KPNA3: variants seen among roughly 807,000 people sequenced by gnomAD.
The protein encoded by KPNA3 is karyopherin subunit alpha 3.
Under a neutral mutation model 73.8 loss-of-function variants are expected in KPNA3, and 13 were observed. The ratio of observed to expected loss-of-function variants is 0.18; its 90% CI spans 0.11 to 0.28. The LOEUF is 0.28. Ranked by LOEUF, KPNA3 falls within the 10% of genes least tolerant of loss-of-function variation. The pLI is 1.00. For missense variants in KPNA3, 360 were observed against 618.1 expected (o/e 0.58, Z 4.43); for synonymous variants, 186 against 206.9 (o/e 0.90, Z 0.87).
intron 1 of KPNA3, among the ~76,000 whole-genome samples, chr13:49,765,787 G>A (rs61244556): frequency 1.4e-3 from 210 of 152,250 alleles, no homozygotes; most frequent in African/African-American, 4.8e-3. Context: ...GATGTCAGAC[G>A]TCAATCACCC....
rs1954364026 is a variant in KPNA3, at chr13:49,721,980, G to A, written c.701C>T (p.Pro234Leu). The change falls in exon 9 of 17, where the codon CCG becomes CTG. Residue 234 changes from proline to leucine, a missense_variant. Pro to Leu is a moderately conservative substitution (Grantham distance 98, BLOSUM62 -3). Coordinates refer to ENST00000261667, the MANE Select transcript of KPNA3 (RefSeq NM_002267.4). ...IVNLCRNKDP[P>L]PPMETVQEIL... ...CTCCTGAACTGTCTCCATAGGCGGC[G>A]GGGGATCCTTATTCCTGCAGAGATT... 1.9e-6 allele frequency: 3 copies of A among 1,602,060 alleles called. No homozygotes were observed. The highest frequency in any genetic ancestry group is 2.6e-6 in the Non-Finnish European group (3 of 1,174,218).
intron 1 of KPNA3, among the ~76,000 whole-genome samples, chr13:49,788,255 T>C (rs1955001194): frequency 6.6e-6 from 1 of 152,222 alleles, no homozygotes; most frequent in Non-Finnish European, 1.5e-5. Flanking sequence ...CCTTGAGGTA[T>C]ACAGCAGCAA....
At position 49,761,492 on chromosome 13, in the gene KPNA3, C is replaced by T. The variant is rs1422792396; in HGVS notation, c.70-14499G>A. Among the ~76,000 whole-genome samples, 27 of 152,394 alleles carry T rather than the reference C, an allele frequency of 1.8e-4. 1 individual carries two copies. ...CTAACCGCGAGTGATCTGCCAGCCT[C>T]GGCCTCCCGAGGTGCCAGGATTGCA... is the stretch of plus-strand genomic sequence containing the variant. On this transcript the variant is annotated intron_variant, in intron 1 of 16. Coordinates refer to ENST00000261667, the MANE Select transcript of KPNA3 (RefSeq NM_002267.4).
intron 1 of KPNA3, among the ~76,000 whole-genome samples, chr13:49,783,307 G>C (rs934899494): frequency 6.6e-6 from 1 of 152,080 alleles, no homozygotes; most frequent in Admixed American, 6.6e-5. Context: ...TATTTTAACT[G>C]CTGATGTTGG....
At chr13:49,782,440 T>C (rs1366187768) in intron 1 of KPNA3, among the ~76,000 whole-genome samples, 1 of 152,200 alleles carries the variant, frequency 6.6e-6, no homozygotes, top group African/African-American at 2.4e-5. Context: ...ACAAATTATC[T>C]ACCTGTATCA....
At chr13:49,742,131 C>T (rs1954579799) in intron 2 of KPNA3, among the ~76,000 whole-genome samples, 2 of 152,250 alleles carry the variant, frequency 1.3e-5, no homozygotes, top group East Asian at 1.9e-4. Context: ...TTTTCCAAGA[C>T]CATTTATTGA....
At chr13:49,709,482 G>T in intron 12 of KPNA3, 90 bp downstream of exon 12, 2 of 1,104,474 alleles carry the variant, frequency 1.8e-6, no homozygotes, top group Non-Finnish European at 1.3e-6. Context: ...TGGCTTTTAA[G>T]AAAAACATAC....
At chr13:49,734,934 T>TAG (rs1345135818) in intron 2 of KPNA3, among the ~76,000 whole-genome samples, 29 of 93,450 alleles carry the variant, frequency 3.1e-4, no homozygotes, top group Admixed American at 8.9e-4. Flanking sequence ...TATATATATA[T>TAG]ATATAGAGAG....
chr13:49,749,348 T>C (rs900405917), intron 1 of KPNA3, among the ~76,000 whole-genome samples: 5 of 152,220 alleles, frequency 3.3e-5, no homozygotes, highest in Non-Finnish European at 7.3e-5. Context: ...ATACTCTGCA[T>C]AAGGAAAGTT....
chr13:49,717,185 T>C (rs1954311622), intron 10 of KPNA3, among the ~76,000 whole-genome samples: 1 of 152,186 alleles, frequency 6.6e-6, no homozygotes. Context: ...ATAAAACAAA[T>C]ATCATTTCTC....
rs1594464076 is a variant in KPNA3, at chr13:49,781,967, C to T, written c.69+10471G>A. The stretch of plus-strand genomic sequence containing the variant: ...GCCTACGAAAGCAACTCCCACATAT[C>T]TAGCCGGCAGGAATTAACGGATGGT... On this transcript the variant is annotated intron_variant, in intron 1 of 16. Coordinates refer to ENST00000261667, the MANE Select transcript of KPNA3 (RefSeq NM_002267.4). 2.0e-5 allele frequency among the ~76,000 whole-genome samples: 3 copies of T among 152,226 alleles called. No individual in the cohort carries two copies. In the East Asian group the frequency reaches 5.8e-4, roughly 29 times the overall value.
At chr13:49,702,954 C>T (rs537147110) in intron 15 of KPNA3, among the ~76,000 whole-genome samples, 2 of 151,730 alleles carry the variant, frequency 1.3e-5, no homozygotes, top group East Asian at 1.9e-4. Flanking sequence ...CTGCAAGCTC[C>T]GCCTCCTGGG....
At chr13:49,706,820 C>G (rs573687553) in intron 12 of KPNA3, among the ~76,000 whole-genome samples, 1 of 151,942 alleles carries the variant, frequency 6.6e-6, no homozygotes, top group Non-Finnish European at 1.5e-5. Context: ...GTGATCTCGG[C>G]TCACTGCAAG....
At chr13:49,758,007 T>C (rs1016445001) in intron 1 of KPNA3, among the ~76,000 whole-genome samples, 2 of 151,978 alleles carry the variant, frequency 1.3e-5, no homozygotes, top group African/African-American at 4.8e-5. Flanking sequence ...CAGTTTTTAA[T>C]AAAAATTTTA....
chr13:49,711,491 T>C (rs1954260171), intron 10 of KPNA3, among the ~76,000 whole-genome samples: 1 of 152,202 alleles, frequency 6.6e-6, no homozygotes, highest in East Asian at 1.9e-4. Flanking sequence ...GCTACTAAAG[T>C]AAACCAATAA....
At chr13:49,725,068 A>C (rs1954397112) in intron 7 of KPNA3, among the ~76,000 whole-genome samples, 1 of 152,210 alleles carries the variant, frequency 6.6e-6, no homozygotes, top group Non-Finnish European at 1.5e-5. Flanking sequence ...GTCATTTAAC[A>C]ATAATTATTA....
rs1216680079 is a variant in KPNA3 at position 49,701,556 on chromosome 13, G to C, written c.*244C>G. ...TGGCACCAGGGAACAGGGAAAAATA[G>C]GGTAGTTGAGATTGTTAAGGAGAGT... On this transcript the variant is annotated 3_prime_UTR_variant, in exon 17 of 17. Transcript: ENST00000261667. 1.7e-6 allele frequency: 1 copy of C among 595,830 alleles called. No homozygotes were observed. The highest frequency in any genetic ancestry group is 3.3e-6 in the Non-Finnish European group (1 of 307,540). The allele number at this position is 595,830 out of a possible 1,614,324, so 36.9% of individuals were successfully genotyped here.
At chr13:49,758,680 T>C (rs1485336288) in intron 1 of KPNA3, among the ~76,000 whole-genome samples, 2 of 152,186 alleles carry the variant, frequency 1.3e-5, no homozygotes, top group African/African-American at 2.4e-5. Flanking sequence ...TATCAATATA[T>C]GCATTATATG....
chr13:49,768,060 A>G (rs1288949588), intron 1 of KPNA3, among the ~76,000 whole-genome samples: 3 of 152,116 alleles, frequency 2.0e-5, no homozygotes, highest in Admixed American at 6.5e-5. Flanking sequence ...CAGGCATATC[A>G]CAAGGTCTGG....
Sources: gnomAD v4.1 joint callset for allele counts (sites outside exome capture counted in the v4.1 genomes callset) on GRCh38, gnomAD v4.1.1 for gene constraint, MANE v1.5 for transcripts, NCBI Gene and HGNC (gene_info 2026-07-23, HGNC 2026-07-21) for gene names.